Variants in DHX35 observed in about 807,000 individuals in gnomAD.
DHX35 encodes the protein DEAH-box helicase 35, also known as probable ATP-dependent RNA helicase DHX35.
Under a neutral mutation model 99.6 loss-of-function variants are expected in DHX35, and 84 were observed. The observed-to-expected ratio is 0.84, with a 90% CI of 0.71 to 1.01. The LOEUF (loss-of-function observed/expected upper bound fraction) is 1.01, where lower values mean the gene tolerates loss of function less well. DHX35 is among the 50% of genes least tolerant of loss of function. The pLI is 0.00. For synonymous variants in DHX35, 331 were observed against 316.2 expected (o/e 1.05, Z -0.50); for missense variants, 852 against 888.5 (o/e 0.96, Z 0.52).
intron 3 of DHX35, among the ~76,000 whole-genome samples, chr20:38,979,760 C>A (rs184169090): frequency 2.4e-4 from 36 of 150,348 alleles, no homozygotes; most frequent in Admixed American, 2.3e-3. Flanking sequence ...TGGGAAAAAA[C>A]AATGTGCAAA....
intron 9 of DHX35, among the ~76,000 whole-genome samples, chr20:39,002,545 A>C (rs546242120): frequency 6.6e-6 from 1 of 152,334 alleles, no homozygotes; most frequent in Non-Finnish European, 1.5e-5. Flanking sequence ...ATATCATGTT[A>C]TTTCTTTCCA....
chr20:38,986,004 C>A (rs2086243542), intron 4 of DHX35, among the ~76,000 whole-genome samples: 1 of 152,166 alleles, frequency 6.6e-6, no homozygotes, highest in Admixed American at 6.5e-5. Context: ...GGTTTGACTT[C>A]AAGACCAGGT....
intron 2 of DHX35, among the ~76,000 whole-genome samples, chr20:38,970,855 A>G (rs2085985162): frequency 6.6e-6 from 1 of 152,186 alleles, no homozygotes; most frequent in African/African-American, 2.4e-5. Context: ...TGAAAAAAAA[A>G]AAAGCAACAA....
chr20:38,979,827 A>AT (rs11476490), intron 3 of DHX35, among the ~76,000 whole-genome samples: 1,536 of 143,480 alleles, frequency 0.011, 13 homozygotes, highest in Non-Finnish European at 0.013. Context: ...AACCTAGATG[A>AT]TTTTTTTTTT....
intron 8 of DHX35, among the ~76,000 whole-genome samples, chr20:38,998,539 G>C (rs2086466718): frequency 6.6e-6 from 1 of 152,090 alleles, no homozygotes; most frequent in South Asian, 2.1e-4. Flanking sequence ...TTCATAGACT[G>C]TCCCCTGCCT....
chr20:39,010,773 A>G (rs1253558525), intron 13 of DHX35, among the ~76,000 whole-genome samples: 1 of 152,198 alleles, frequency 6.6e-6, no homozygotes, highest in African/African-American at 2.4e-5. Flanking sequence ...TAGTCTTTGT[A>G]GAGGCCTAGA....
At chr20:38,965,067 T>G (rs1182494365) in intron 1 of DHX35, among the ~76,000 whole-genome samples, 1 of 150,912 alleles carries the variant, frequency 6.6e-6, no homozygotes, top group Non-Finnish European at 1.5e-5. Flanking sequence ...ACCAATAAAT[T>G]AGAACTTTGG....
chr20:39,015,923 G>A (rs1014535668), intron 14 of DHX35, among the ~76,000 whole-genome samples: 6 of 152,124 alleles, frequency 3.9e-5, no homozygotes, highest in Admixed American at 2.0e-4. Context: ...ATCTCTATAG[G>A]TGTGCCTTTT....
chr20:39,022,512 G>T (rs1272261241), intron 16 of DHX35, among the ~76,000 whole-genome samples: 1 of 152,156 alleles, frequency 6.6e-6, no homozygotes, highest in Non-Finnish European at 1.5e-5. Flanking sequence ...ATTCACAGTT[G>T]CACAGCCAGA....
chr20:39,004,412 T>C (rs1189298786), intron 11 of DHX35, among the ~76,000 whole-genome samples: 1 of 152,170 alleles, frequency 6.6e-6, no homozygotes, highest in East Asian at 1.9e-4. Context: ...ACTTTGACAG[T>C]AGTTATCAGA....
At position 39,028,426 on chromosome 20, in the gene DHX35, G is replaced by A. The variant is rs1194542308; in HGVS notation, c.1810G>A (p.Asp604Asn). The change falls in exon 19 of 22, where the codon GAT (aspartate) becomes AAT (asparagine). Residue 604 changes from aspartate (D) to asparagine (N), a missense_variant. Asp to Asn is a conservative substitution (Grantham distance 23, BLOSUM62 1). Transcript: ENST00000252011. ...GTTGGCTGCCTATGTAGGTGACCCG[G>A]ATCTGGTTCTGAGGTGCATTGTCTC... is the stretch of plus-strand genomic sequence containing the variant. ...VPRKSSEGDP[D>N]LVLRCIVSGF... The A allele has an allele frequency of 5.6e-6, 9 of 1,614,238 alleles. No homozygotes were observed. The highest frequency in any genetic ancestry group is 1.1e-5 in the South Asian group (1 of 91,078).
At chr20:39,020,419 G>A (rs989983555) in intron 15 of DHX35, among the ~76,000 whole-genome samples, 1 of 152,188 alleles carries the variant, frequency 6.6e-6, no homozygotes, top group Admixed American at 6.5e-5. Flanking sequence ...GTGAGGACAT[G>A]GGTTCTAGGT....
chr20:38,982,561 C>T (rs2086189415), intron 3 of DHX35, among the ~76,000 whole-genome samples: 1 of 152,194 alleles, frequency 6.6e-6, no homozygotes, highest in Admixed American at 6.5e-5. Flanking sequence ...CTGTGATTCT[C>T]AGAGTCAGAG....
chr20:39,002,249 G>A (rs1440179639), intron 9 of DHX35, among the ~76,000 whole-genome samples: 1 of 152,168 alleles, frequency 6.6e-6, no homozygotes, highest in African/African-American at 2.4e-5. Flanking sequence ...TAGCCTACTT[G>A]GACAAGGAAG....
chr20:38,967,726 G>A (rs1413356597), intron 1 of DHX35, among the ~76,000 whole-genome samples: 4 of 152,274 alleles, frequency 2.6e-5, no homozygotes, highest in African/African-American at 4.8e-5. Context: ...GCAAGAAGCC[G>A]GGGTGAAGAT....
chr20:39,007,978 C>G (rs937523173), intron 12 of DHX35, among the ~76,000 whole-genome samples: 1 of 152,178 alleles, frequency 6.6e-6, no homozygotes, highest in African/African-American at 2.4e-5. Context: ...GTGACCACTG[C>G]CTCCATCTAG....
chr20:38,998,582 T>C (rs541152864), intron 8 of DHX35, among the ~76,000 whole-genome samples: 3 of 152,368 alleles, frequency 2.0e-5, no homozygotes, highest in Non-Finnish European at 2.9e-5. Flanking sequence ...CATGTCTGTA[T>C]GTCAATGTGA....
rs533542322 is a variant in DHX35 at position 39,030,884 on chromosome 20, C to T, written c.1955+109C>T. The T allele has an allele frequency of 3.9e-4, 500 of 1,267,010 alleles. 1 individual carries two copies. Among genetic ancestry groups the T allele is most frequent in the African/African-American group, 1.5e-3 (99 of 67,702 alleles). The allele number at this position is 1,267,010 out of a possible 1,614,324, so 78.5% of individuals were successfully genotyped here. ...CGCCTCTAGAATTGCTGCTCTGGGC[C>T]GGGCGTGGTGGCTCACGCCTGTAAT... is the stretch of plus-strand genomic sequence containing the variant. On this transcript the variant is annotated intron_variant, in intron 20 of 21. Transcript: ENST00000252011.
At chr20:38,988,367 C>T (rs867415697) in intron 4 of DHX35, among the ~76,000 whole-genome samples, 3 of 152,126 alleles carry the variant, frequency 2.0e-5, no homozygotes, top group South Asian at 2.1e-4. Context: ...TGGTGGCTCA[C>T]GCCTGTAATC....
Sources: gnomAD v4.1 joint callset for allele counts (sites outside exome capture counted in the v4.1 genomes callset) on GRCh38, gnomAD v4.1.1 for gene constraint, MANE v1.5 for transcripts, NCBI Gene and HGNC (gene_info 2026-07-23, HGNC 2026-07-21) for gene names.